PLA1A: variants seen among roughly 807,000 people sequenced by gnomAD.
PLA1A encodes phospholipase A1 member A.
PLA1A carries 47 observed loss-of-function variants against 49.4 expected under a neutral mutation model. That is an observed-to-expected ratio of 0.95 (90% CI 0.75 to 1.21). The LOEUF (loss-of-function observed/expected upper bound fraction) is 1.21, where lower values mean the gene tolerates loss of function less well. Ranked by LOEUF, PLA1A falls within the 50% of genes most tolerant of loss-of-function variation. The pLI is 0.00. For missense variants in PLA1A, 561 were observed against 563.9 expected (o/e 0.99, Z 0.05); for synonymous variants, 224 against 207.9 (o/e 1.08, Z -0.67).
intron 8 of PLA1A, among the ~76,000 whole-genome samples, chr3:119,623,377 G>A (rs1322761188): frequency 6.6e-6 from 1 of 151,662 alleles, no homozygotes; most frequent in African/African-American, 2.4e-5. Flanking sequence ...GAACTCCTGG[G>A]CTCAAGTGAT....
chr3:119,623,289 A>G (rs978799261), intron 8 of PLA1A, among the ~76,000 whole-genome samples: 15 of 152,078 alleles, frequency 9.9e-5, no homozygotes, highest in Admixed American at 6.5e-4. Context: ...CTACAGGTAC[A>G]CACCACATGC....
chr3:119,610,797 CAGA>C (rs1242994406), intron 4 of PLA1A, among the ~76,000 whole-genome samples: 2 of 152,178 alleles, frequency 1.3e-5, no homozygotes, highest in Non-Finnish European at 2.9e-5. Context: ...TTTTGCTGTA[CAGA>C]AGGTCTTTAG....
chr3:119,608,987 TGAG>T lies in PLA1A; in HGVS notation c.453+44_453+46del, dbSNP rs762021809. 5 of 1,540,912 alleles carry T rather than the reference TGAG, an allele frequency of 3.2e-6. No individual in the cohort carries two copies. In the South Asian group the frequency reaches 5.6e-5, roughly 17 times the overall value. On this transcript the variant is annotated intron_variant, in intron 3 of 10. Transcript: ENST00000273371. ...GCTTAGGGTGAGTTTGGGCTGCGTA[TGAG>T]GAGAGAGGGTCAGAAAGACAAAAGC...
chr3:119,624,180 A>C (rs2082985060), intron 8 of PLA1A, among the ~76,000 whole-genome samples: 1 of 152,230 alleles, frequency 6.6e-6, no homozygotes, highest in Non-Finnish European at 1.5e-5. Flanking sequence ...CATGTCTATA[A>C]GGGTTGCACT....
chr3:119,618,542 C>G (rs2082884721), intron 7 of PLA1A, among the ~76,000 whole-genome samples: 1 of 152,172 alleles, frequency 6.6e-6, no homozygotes, highest in South Asian at 2.1e-4. Flanking sequence ...GACCCTAAAT[C>G]TATGGTGGGG....
At chr3:119,624,210 C>G (rs1349226737) in intron 8 of PLA1A, among the ~76,000 whole-genome samples, 1 of 152,216 alleles carries the variant, frequency 6.6e-6, no homozygotes, top group Non-Finnish European at 1.5e-5. Context: ...CAAGAAGGTG[C>G]TTTGCTGTTG....
At chr3:119,620,645 T>G (rs1438364739) in intron 8 of PLA1A, among the ~76,000 whole-genome samples, 1 of 152,238 alleles carries the variant, frequency 6.6e-6, no homozygotes, top group African/African-American at 2.4e-5. Context: ...AGGAGATCAC[T>G]AGCACAGGGA....
At chr3:119,603,471 T>C (rs1258606273) in intron 1 of PLA1A, among the ~76,000 whole-genome samples, 2 of 152,216 alleles carry the variant, frequency 1.3e-5, no homozygotes, top group Non-Finnish European at 2.9e-5. Flanking sequence ...ATTTCCTTAT[T>C]TTCTATTTCT....
At chr3:119,620,264 A>G (rs970173740) in intron 8 of PLA1A, 4 of 416,038 alleles carry the variant, frequency 9.6e-6, no homozygotes, top group African/African-American at 6.1e-5. Context: ...TTCCTGGTTT[A>G]TGCTGGTTAT....
At chr3:119,629,052 T>C (rs1209083463) in intron 10 of PLA1A, among the ~76,000 whole-genome samples, 187 bp downstream of exon 10, 1 of 152,264 alleles carries the variant, frequency 6.6e-6, no homozygotes, top group Non-Finnish European at 1.5e-5. Flanking sequence ...GAAATTCCAC[T>C]GTATTTGTTC....
intron 1 of PLA1A, among the ~76,000 whole-genome samples, chr3:119,604,461 C>A (rs2082659977): frequency 6.6e-6 from 1 of 152,192 alleles, no homozygotes; most frequent in Non-Finnish European, 1.5e-5. Flanking sequence ...CCATTTGCAG[C>A]AACATGGATG....
intron 1 of PLA1A, among the ~76,000 whole-genome samples, chr3:119,606,141 C>A (rs938261270): frequency 6.6e-6 from 1 of 152,344 alleles, no homozygotes; most frequent in East Asian, 1.9e-4. Context: ...GTGCCATGGA[C>A]TGGGTGGCTA....
In PLA1A at chr3:119,600,448, G is replaced by A. The variant is rs780225757; in HGVS notation, c.73+2462G>A. ...TGTTCTCTCAGTACCTATGTTTCCT[G>A]GTCACAGATCTTACATCCCTATTTG... On this transcript the variant is annotated intron_variant, in intron 1 of 10. Coordinates refer to ENST00000273371, the MANE Select transcript of PLA1A (RefSeq NM_015900.4). The A allele has an allele frequency of 8.5e-5, 60 of 701,892 alleles. No homozygotes were observed. In the South Asian group the frequency reaches 8.7e-4, roughly 10 times the overall value. The allele number at this position is 701,892 out of a possible 1,614,324, so 43.5% of individuals were successfully genotyped here. A position where few individuals can be genotyped will look rare whatever the true frequency, so the allele number is the denominator to read the frequency against.
In PLA1A at chr3:119,625,215, T is replaced by G. The variant is rs746296413; in HGVS notation, c.1104T>G (p.Ser368=). 1.2e-6 allele frequency: 2 copies of G among 1,608,424 alleles called. No individual in the cohort carries two copies. The highest frequency in any genetic ancestry group is 2.2e-5 in the South Asian group (2 of 90,968). ...CCTTCCTTAGCAGTAACATCACCTC[T>G]TCATCTAAGATCACCATGTACGTAA... ...EVTFLSSNIT[S]SSKITIPKQQ... The change falls in exon 9 of 11, where the codon TCT becomes TCG. Residue 368 remains serine, a synonymous_variant. Transcript: ENST00000273371.
In PLA1A at chr3:119,628,844, C is replaced by T; in HGVS notation, c.1265C>T (p.Ala422Val). The T allele has an allele frequency of 1.2e-6, 2 of 1,613,946 alleles. No homozygotes were observed. Among genetic ancestry groups the T allele is most frequent in the Non-Finnish European group, 1.7e-6 (2 of 1,179,838 alleles). Residue 422 changes from alanine to valine, a missense_variant, in exon 10 of 11, where the codon GCC becomes GTC. Coordinates refer to ENST00000273371, the MANE Select transcript of PLA1A (RefSeq NM_015900.4). ...RTTIIGKFCT[A>V]LLPVNDREKM... is the part of the protein sequence containing the mutation. The stretch of plus-strand genomic sequence containing the variant: ...ACCATTATTGGGAAGTTCTGCACTG[C>T]CCTTTTGCCTGTCAATGACAGGTAA...
At position 119,629,714 on chromosome 3, in the gene PLA1A, A is replaced by C. The variant is rs1200179550; in HGVS notation, c.*246A>C. The C allele has an allele frequency of 2.2e-6, 1 of 460,274 alleles. No individual in the cohort carries two copies. The highest frequency in any genetic ancestry group is 5.2e-5 in the South Asian group (1 of 19,224). The allele number at this position is 460,274 out of a possible 1,614,324, so 28.5% of individuals were successfully genotyped here. On this transcript the variant is annotated 3_prime_UTR_variant, in exon 11 of 11. Transcript: ENST00000273371. ...AGCTTTCCCATGCATACTTAACTGC[A>C]CTTGCTTTATCTCCTTGGGCATTCG...
chr3:119,605,304 G>A (rs1390296608), intron 1 of PLA1A, among the ~76,000 whole-genome samples: 1 of 152,174 alleles, frequency 6.6e-6, no homozygotes, highest in African/African-American at 2.4e-5. Context: ...AAAGTCTGGG[G>A]CTCAGAAGCA....
Position 119,608,948 on chromosome 3 carries a change from G to A in PLA1A, c.453+1G>A, listed in dbSNP as rs745720363. ...CTCCCTTTTCCTCAATAAACTCCTG[G>A]TAGGTGCAGAAGAGCTTAGGGTGAG... On this transcript the variant is annotated splice_donor_variant, in intron 3 of 10. Coordinates refer to ENST00000273371, the MANE Select transcript of PLA1A (RefSeq NM_015900.4). LOFTEE classifies it high-confidence loss of function. 5.0e-6 allele frequency: 8 copies of A among 1,613,236 alleles called. No individual in the cohort carries two copies. The African/African-American group carries it at 1.1e-4, about 22-fold the overall frequency.
chr3:119,627,642 C>T (rs951546745), intron 9 of PLA1A, among the ~76,000 whole-genome samples: 5 of 152,178 alleles, frequency 3.3e-5, no homozygotes, highest in East Asian at 1.9e-4. Context: ...CTGCCCCCGC[C>T]GAGAGGAACG....
Sources: allele counts gnomAD v4.1 joint callset (sites outside exome capture counted in the v4.1 genomes callset), GRCh38; gene constraint gnomAD v4.1.1; transcripts MANE v1.5; gene names NCBI Gene and HGNC (gene_info 2026-07-23, HGNC 2026-07-21).